The following NFRKB variants were observed in gnomAD, a reference collection of about 807,000 sequenced individuals.
NFRKB encodes the protein nuclear factor related to kappaB binding protein.
Under a neutral mutation model 135.7 loss-of-function variants are expected in NFRKB, and 62 were observed. The ratio of observed to expected loss-of-function variants is 0.46; its 90% confidence interval spans 0.37 to 0.56. The LOEUF (loss-of-function observed/expected upper bound fraction) is 0.56. Ranked by LOEUF, NFRKB falls within the 20% of genes least tolerant of loss-of-function variation. The pLI is 0.00. For missense variants in NFRKB, 1,545 were observed against 1,662.0 expected (o/e 0.93, Z 1.22); for synonymous variants, 678 against 635.6 (o/e 1.07, Z -1.00).
Position 129,884,080 on chromosome 11 carries a change from T to C in NFRKB, c.806A>G (p.Lys269Arg). ...IMLKKHHEKR[K>R]HQPDHPDLLT... ...CCCTTCCCATCTTACTGGCTGATGT[T>C]TCCGCTTCTCGTGGTGCTTCTTTAA... The change falls in exon 8 of 27, where the codon AAA (lysine) becomes AGA (arginine). Residue 269 changes from lysine (K) to arginine (R), a missense_variant. Lys to Arg is a conservative substitution (Grantham distance 26). Transcript: ENST00000682444. 6.2e-7 allele frequency: 1 copy of C among 1,614,204 alleles called. No individual in the cohort carries two copies. Among genetic ancestry groups the C allele is most frequent in the Non-Finnish European group, 8.5e-7 (1 of 1,180,026 alleles).
intron 2 of NFRKB, chr11:129,893,142 G>A: frequency 8.3e-7 from 1 of 1,207,764 alleles, no homozygotes; most frequent in Non-Finnish European, 1.1e-6. Flanking sequence ...TTACAGATGA[G>A]TAAAATGAGA....
Position 129,869,660 on chromosome 11 carries a change from C to A in NFRKB, c.3365G>T (p.Gly1122Val), listed in dbSNP as rs1251887374. ...KQGASVASGS[G>V]TVHTSAVSLP... is the part of the protein sequence containing the mutation. ...GGACACCGCTGAAGTATGGACAGTT[C>A]CAGACCCACTGGCCACCGAGGCCCC... Residue 1122 changes from glycine (G) to valine (V), a missense_variant, in exon 24 of 27, where the codon GGA becomes GTA. By Grantham distance (109) the Gly-to-Val change is moderately radical. This residue lies in a region of NFRKB where 753 missense variants were observed against 804.3 expected (regional missense o/e 0.94). Coordinates refer to ENST00000682444, the MANE Select transcript of NFRKB (RefSeq NM_001143835.2). 6.2e-7 allele frequency: 1 copy of A among 1,614,166 alleles called. No individual in the cohort carries two copies. The highest frequency in any genetic ancestry group is 1.1e-5 in the South Asian group (1 of 91,080).
chr11:129,885,652 C>T (rs1949242191), intron 5 of NFRKB, 43 bp from the exon 6 acceptor site: 16 of 1,552,442 alleles, frequency 1.0e-5, no homozygotes, highest in African/African-American at 1.4e-5. Flanking sequence ...CATCCAAGAC[C>T]TGTTCTGGAA....
intron 7 of NFRKB, 99 bp downstream of exon 7, chr11:129,884,646 G>A: frequency 1.5e-6 from 2 of 1,358,962 alleles, no homozygotes; most frequent in Non-Finnish European, 2.0e-6. Context: ...TTGTTTTCCT[G>A]GTAGGTAGGA....
chr11:129,875,946 C>A (rs1393768120), intron 17 of NFRKB, among the ~76,000 whole-genome samples: 2 of 152,090 alleles, frequency 1.3e-5, no homozygotes, highest in Admixed American at 6.5e-5. Context: ...CATGAGCCAT[C>A]GCATCCAGCC....
chr11:129,881,495 A>T lies in NFRKB; in HGVS notation c.1332T>A (p.Ser444Arg), dbSNP rs1193441638. 1.2e-6 allele frequency: 2 copies of T among 1,614,148 alleles called. No individual in the cohort carries two copies. Among genetic ancestry groups the T allele is most frequent in the Non-Finnish European group, 1.7e-6 (2 of 1,180,012 alleles). The change falls in exon 13 of 27, where the codon AGT becomes AGA. Residue 444 changes from serine to arginine, a missense_variant. Transcript: ENST00000682444. ...CTTTGAATTCAACAAATGGAGAGAA[A>T]CTGGAAGGAACAGCTGCAAGAAATG... ...LAGESRAVPSSFSPFVEFKEK... is the reference protein window; with the variant it reads ...LAGESRAVPSRFSPFVEFKEK...
chr11:129,891,503 A>G lies in NFRKB; in HGVS notation c.135+1212T>C, dbSNP rs113078853. ...TTGGGATGAGGGGAAGCCATGGGGC[A>G]ATCTAGGCCAAACAGAAAAGGAGTG... On this transcript the variant is annotated intron_variant, in intron 3 of 26. Transcript: ENST00000682444. 1.6e-3 allele frequency among the ~76,000 whole-genome samples: 249 copies of G among 152,308 alleles called. 1 individual carries two copies. The highest frequency in any genetic ancestry group is 5.8e-3 in the African/African-American group (241 of 41,558).
intron 18 of NFRKB, 85 bp from the exon 19 acceptor site, chr11:129,875,001 T>C (rs1031497471): frequency 3.8e-5 from 58 of 1,540,202 alleles, no homozygotes; most frequent in Non-Finnish European, 4.9e-5. Context: ...AATGTCATTG[T>C]ATCTAAATCA....
Position 129,881,741 on chromosome 11 carries a change from G to A in NFRKB, c.1304C>T (p.Ala435Val), listed in dbSNP as rs749979039. ...ELVLPALQYL[A>V]GESRAVPSSF... is the part of the protein sequence containing the mutation. ...GAGCATCTTACCTCGACTTTCTCCA[G>A]CAAGATACTGCAGGGCTGGTAGTAC... is the stretch of plus-strand genomic sequence containing the variant. Residue 435 changes from alanine to valine, a missense_variant, in exon 12 of 27, where the codon GCT becomes GTT. Around this residue, in one of 3 missense-constraint regions of NFRKB, gnomAD observed 678 missense variants for 646.7 expected, o/e 1.05. Transcript: ENST00000682444. 1 of 1,614,114 alleles carries A rather than the reference G, an allele frequency of 6.2e-7. No homozygotes were observed. The highest frequency in any genetic ancestry group is 8.5e-7 in the Non-Finnish European group (1 of 1,179,998).
chr11:129,882,080 G>A lies in NFRKB; in HGVS notation c.1191+6C>T, dbSNP rs376524462. ...AATGTACCTCCAACTTTTCCAAAAC[G>A]CTTACCATAGGAAGGCTAGCCTGAC... is the stretch of plus-strand genomic sequence containing the variant. On this transcript the variant is annotated splice_donor_region_variant and intron_variant, in intron 11 of 26. Transcript: ENST00000682444. 2.0e-5 allele frequency: 32 copies of A among 1,593,916 alleles called. No individual in the cohort carries two copies. The highest frequency in any genetic ancestry group is 2.4e-5 in the Non-Finnish European group (28 of 1,173,178).
At chr11:129,865,411 CT>C (rs751248481) in intron 25 of NFRKB, among the ~76,000 whole-genome samples, 1 of 152,214 alleles carries the variant, frequency 6.6e-6, no homozygotes, top group Non-Finnish European at 1.5e-5. Flanking sequence ...AACGCTCCCC[CT>C]AATAGCCACA....
chr11:129,890,950 A>G (rs986058277), intron 3 of NFRKB, among the ~76,000 whole-genome samples: 10 of 152,232 alleles, frequency 6.6e-5, no homozygotes, highest in Non-Finnish European at 1.3e-4. Context: ...TTTATTTTCT[A>G]TTAGTAAGTG....
At chr11:129,882,773 T>C (rs111938957) in intron 9 of NFRKB, 142 bp from the exon 10 acceptor site, 35 of 864,338 alleles carry the variant, frequency 4.0e-5, no homozygotes, top group Admixed American at 7.3e-5. Flanking sequence ...ACCAAATTCA[T>C]TGAGTGATTT....
chr11:129,884,332 A>C (rs1949169032), intron 7 of NFRKB, among the ~76,000 whole-genome samples, 189 bp from the exon 8 acceptor site: 1 of 152,008 alleles, frequency 6.6e-6, no homozygotes, highest in Admixed American at 6.6e-5. Context: ...GACTTCTGTG[A>C]CTCAGCTGGT....
intron 22 of NFRKB, among the ~76,000 whole-genome samples, chr11:129,873,322 C>A (rs1948606063): frequency 6.6e-6 from 1 of 152,242 alleles, no homozygotes; most frequent in Admixed American, 6.5e-5. Context: ...TTCCTACACA[C>A]TGAGGACAAA....
chr11:129,882,732 G>A, intron 9 of NFRKB, 101 bp from the exon 10 acceptor site: 1 of 1,227,618 alleles, frequency 8.1e-7, no homozygotes, highest in South Asian at 1.5e-5. Context: ...ACCAAAGACA[G>A]AAAAGTCTCA....
At chr11:129,877,671 G>A (rs79910394) in intron 15 of NFRKB, among the ~76,000 whole-genome samples, 4,298 of 152,136 alleles carry the variant, frequency 0.028, 199 homozygotes, top group African/African-American at 0.099. Flanking sequence ...AAGTAGGTCC[G>A]TTCTAAAGGC....
Position 129,879,340 on chromosome 11 carries a change from C to A in NFRKB, c.1385-797G>T, listed in dbSNP as rs1261252392. Among the ~76,000 whole-genome samples the A allele has an allele frequency of 7.9e-5, 12 of 152,270 alleles. No homozygotes were observed. The East Asian group carries it at 2.1e-3, about 27-fold the overall frequency. On this transcript the variant is annotated intron_variant, in intron 13 of 26. Coordinates refer to ENST00000682444, the MANE Select transcript of NFRKB (RefSeq NM_001143835.2). ...AAGCTTCAAACGCTTATTATCTGGCCCTACAAGAAACATTCTGCCAGGCCC... is the reference window on the plus strand; with the variant it reads ...AAGCTTCAAACGCTTATTATCTGGCACTACAAGAAACATTCTGCCAGGCCC...
At chr11:129,892,639 G>C in intron 3 of NFRKB, 76 bp downstream of exon 3, 1 of 1,457,680 alleles carries the variant, frequency 6.9e-7, no homozygotes, top group Non-Finnish European at 9.5e-7. Context: ...TGGAAATGTA[G>C]AGTGGAAAAG....
Sources: gnomAD v4.1 joint callset for allele counts (sites outside exome capture counted in the v4.1 genomes callset) on GRCh38, gnomAD v4.1.1 for gene constraint, gnomAD v4.1.1 regional missense constraint, MANE v1.5 for transcripts, NCBI Gene and HGNC (gene_info 2026-07-23, HGNC 2026-07-21) for gene names.